IAH1: variants seen among roughly 807,000 people sequenced by gnomAD.
IAH1 encodes the protein isoamyl acetate hydrolyzing esterase 1 (putative).
Under a neutral mutation model 26.7 loss-of-function variants are expected in IAH1, and 24 were observed. The observed-to-expected ratio is 0.90, with a 90% CI of 0.65 to 1.26. IAH1 has a LOEUF of 1.26. Ranked by LOEUF, IAH1 falls within the 50% of genes most tolerant of loss-of-function variation. IAH1 has a pLI of 0.00. For synonymous variants in IAH1, 140 were observed against 118.5 expected, an observed-to-expected ratio of 1.18 and a Z score of -1.18; for missense variants, 300 against 299.9, an observed-to-expected ratio of 1.00 and a Z score of 0.00.
At position 9,489,090 on chromosome 2, in the gene IAH1, C is replaced by T. The variant is rs1385053526; in HGVS notation, c.*761C>T. 1 of 152,036 alleles carries T rather than the reference C, an allele frequency of 6.6e-6. No individual in the cohort carries two copies. The highest frequency in any genetic ancestry group is 2.4e-5 in the African/African-American group (1 of 41,370). 9.4% of individuals were successfully genotyped at this position (152,036 alleles called of 1,614,324 possible). ...GTATCAAGTCTTGTGGGGACAGCCCCCAACCCTAAGGGCAGGTAGTATTCT... is the reference window on the plus strand; with the variant it reads ...GTATCAAGTCTTGTGGGGACAGCCCTCAACCCTAAGGGCAGGTAGTATTCT... On this transcript the variant is annotated 3_prime_UTR_variant, in exon 6 of 6. Transcript: ENST00000497473.
the IAH1 span, among the ~76,000 whole-genome samples, chr2:9,510,355 C>T: frequency 6.6e-6 from 1 of 151,974 alleles, no homozygotes; most frequent in African/African-American, 2.4e-5. Context: ...CCTATCTCTA[C>T]AAAAATAATA....
Position 9,488,316 on chromosome 2 carries a change from A to T in IAH1, c.734A>T (p.Asp245Val), listed in dbSNP as rs751867666. Residue 245 changes from aspartate (D) to valine (V), a missense_variant, in exon 6 of 6, where the codon GAT becomes GTT. Transcript: ENST00000497473. ...AAACCTGAATTAAGTCTGCTGGGAGATGGAGACCATTAGCCAATCACAGGA... is the reference window on the plus strand; with the variant it reads ...AAACCTGAATTAAGTCTGCTGGGAGTTGGAGACCATTAGCCAATCACAGGA... ...EAKPELSLLG[D>V]GDH 1 of 1,605,212 alleles carries T rather than the reference A, an allele frequency of 6.2e-7. No homozygotes were observed. Among genetic ancestry groups the T allele is most frequent in the Non-Finnish European group, 8.5e-7 (1 of 1,177,116 alleles).
At chr2:9,490,561 GAA>G, downstream of IAH1, 1 of 1,544,288 alleles carries the variant, frequency 6.5e-7, no homozygotes, top group East Asian at 2.3e-5. Context: ...AATAAAAGAT[GAA>G]TCGGAGGTCC....
chr2:9,506,500 A>G, the IAH1 span, among the ~76,000 whole-genome samples: 6 of 150,688 alleles, frequency 4.0e-5, no homozygotes, highest in Non-Finnish European at 8.8e-5. Flanking sequence ...CTGAGTAGCT[A>G]GGACTACAGG....
downstream of IAH1, chr2:9,490,264 C>T (rs149361049): frequency 7.4e-5 from 119 of 1,613,956 alleles, 1 homozygote; most frequent in Middle Eastern, 9.9e-4. Flanking sequence ...CCGGATGGTC[C>T]GTGAGATCCT....
the IAH1 span, among the ~76,000 whole-genome samples, chr2:9,507,178 A>G: frequency 6.6e-6 from 1 of 152,222 alleles, no homozygotes; most frequent in East Asian, 1.9e-4. Flanking sequence ...AGTTAAAAAT[A>G]TTTTTATTAA....
chr2:9,507,519 A>T, the IAH1 span, among the ~76,000 whole-genome samples: 1 of 152,328 alleles, frequency 6.6e-6, no homozygotes, highest in South Asian at 2.1e-4. Context: ...ATAATAAATA[A>T]TAATAAATAA....
downstream of IAH1, chr2:9,493,897 AAAT>A: frequency 7.6e-7 from 1 of 1,320,026 alleles, no homozygotes; most frequent in Non-Finnish European, 1.1e-6. Flanking sequence ...AGCTTTATAA[AAAT>A]AACTGACATG....
At chr2:9,497,339 G>T, downstream of IAH1, 1 of 1,529,864 alleles carries the variant, frequency 6.5e-7, no homozygotes, top group Non-Finnish European at 8.8e-7. Context: ...ATACAAGTGA[G>T]CATCTTACCT....
chr2:9,503,728 C>T, the IAH1 span, among the ~76,000 whole-genome samples: 1 of 151,354 alleles, frequency 6.6e-6, no homozygotes. Context: ...ATCCCAGCTA[C>T]TGGGGAGGCT....
At position 9,488,577 on chromosome 2, in the gene IAH1, A is replaced by T; in HGVS notation, c.*248A>T. 1 of 328,136 alleles carries T rather than the reference A, an allele frequency of 3.0e-6. No individual in the cohort carries two copies. The highest frequency in any genetic ancestry group is 5.5e-6 in the Non-Finnish European group (1 of 183,248). The allele number at this position is 328,136 out of a possible 1,614,324, so 20.3% of individuals were successfully genotyped here. A position where few individuals can be genotyped will look rare whatever the true frequency, so the allele number is the denominator to read the frequency against. On this transcript the variant is annotated 3_prime_UTR_variant, in exon 6 of 6. Coordinates refer to ENST00000497473, the MANE Select transcript of IAH1 (RefSeq NM_001039613.3). Reference sequence around the variant, plus strand: ...CTTGTTAATTCTATAAATGACAAAGACTATGTTTTTAAAAAGTCACAATTT... The same window carrying T: ...CTTGTTAATTCTATAAATGACAAAGTCTATGTTTTTAAAAAGTCACAATTT...
At chr2:9,495,434 C>T (rs903769051) in intron 6 of IAH1, among the ~76,000 whole-genome samples, 11 of 152,156 alleles carry the variant, frequency 7.2e-5, no homozygotes, top group East Asian at 1.9e-4. Context: ...CAGAAAAGGC[C>T]GGGAGCAGTG....
At chr2:9,505,714 A>G in the IAH1 span, 1 of 267,728 alleles carries the variant, frequency 3.7e-6, no homozygotes, top group African/African-American at 2.2e-5. Flanking sequence ...TCAGACTTGA[A>G]ATCTCCTCAC....
rs34525911 is a variant in IAH1 at position 9,489,259 on chromosome 2, A to ATTTTTTTTTTTTTTTTTTTTTTTTTT, written c.*954_*955insTTTTTTTTTTTTTTTTTTTTTTTTTT. ...AATATTCTAGGTTTGTAGATAGTGA[A>ATTTTTTTTTTTTTTTTTTTTTTTTTT]TTTTTTTTTTTTTTTTTTTTTTTTG... On this transcript the variant is annotated 3_prime_UTR_variant, in exon 6 of 6. Coordinates refer to ENST00000497473, the MANE Select transcript of IAH1 (RefSeq NM_001039613.3). 8 of 87,396 alleles carry ATTTTTTTTTTTTTTTTTTTTTTTTTT rather than the reference A, an allele frequency of 9.2e-5. No individual in the cohort carries two copies. Among genetic ancestry groups the ATTTTTTTTTTTTTTTTTTTTTTTTTT allele is most frequent in the African/African-American group, 5.2e-4 (8 of 15,526 alleles). 5.4% of individuals were successfully genotyped at this position (87,396 alleles called of 1,614,324 possible).
rs138636462 is a variant in IAH1, at chr2:9,478,873, T to C, written c.283+503T>C. 4.7e-4 allele frequency among the ~76,000 whole-genome samples: 72 copies of C among 152,344 alleles called. 1 individual carries two copies. The highest frequency in any genetic ancestry group is 7.8e-4 in the Admixed American group (12 of 15,304). On this transcript the variant is annotated intron_variant, in intron 3 of 5. Coordinates refer to ENST00000497473, the MANE Select transcript of IAH1 (RefSeq NM_001039613.3). ...GCTGTGACTAGAGGAAAGCTAGCCA[T>C]GTAAGAGGCCTTTCTTCCCCTTCTA... is the stretch of plus-strand genomic sequence containing the variant.
At chr2:9,508,203 T>C in the IAH1 span, among the ~76,000 whole-genome samples, 1 of 152,206 alleles carries the variant, frequency 6.6e-6, no homozygotes, top group Admixed American at 6.5e-5. Flanking sequence ...CCACCAACCA[T>C]ATGTGGCTAC....
intron 3 of IAH1, 32 bp downstream of exon 3, chr2:9,478,402 C>A (rs1660953510): frequency 6.5e-7 from 1 of 1,542,340 alleles, no homozygotes. Context: ...TTCTAGCTCA[C>A]TTTTAATCAT....
At chr2:9,512,330 A>G in the IAH1 span, 1 of 152,162 alleles carries the variant, frequency 6.6e-6, no homozygotes, top group African/African-American at 2.4e-5. Context: ...AAAGTTCTGG[A>G]AGACCAAAGA....
Position 9,475,588 on chromosome 2 carries a change from C to T in IAH1, c.82-399C>T, listed in dbSNP as rs540596349. 2.5e-3 allele frequency: 609 copies of T among 239,870 alleles called. 2 individuals carry two copies. The highest frequency in any genetic ancestry group is 4.0e-3 in the Non-Finnish European group (472 of 118,956). The allele number at this position is 239,870 out of a possible 1,614,324, so 14.9% of individuals were successfully genotyped here. On this transcript the variant is annotated intron_variant, in intron 1 of 5. Transcript: ENST00000497473. ...CGATCTCGGCTCACTGCAAGCTCCGCCTCCCGGATTCAAGCGTTTCTCCTG... is the reference window on the plus strand; with the variant it reads ...CGATCTCGGCTCACTGCAAGCTCCGTCTCCCGGATTCAAGCGTTTCTCCTG...
Sources: gnomAD v4.1 joint callset for allele counts (sites outside exome capture counted in the v4.1 genomes callset) on GRCh38, gnomAD v4.1.1 for gene constraint, MANE v1.5 for transcripts, NCBI Gene and HGNC (gene_info 2026-07-23, HGNC 2026-07-21) for gene names.